The following PRPF8 variants were observed in gnomAD, a reference collection of about 807,000 sequenced individuals.
PRPF8 encodes the protein pre-mRNA-processing-splicing factor 8.
PRPF8 carries 64 observed loss-of-function variants against 285.9 expected under a neutral mutation model. That is an observed-to-expected ratio of 0.22 (90% CI 0.18 to 0.28). PRPF8 has a LOEUF of 0.28. Ranked by LOEUF, PRPF8 falls within the 10% of genes least tolerant of loss-of-function variation. PRPF8 has a pLI of 1.00. For synonymous variants in PRPF8, 1,325 were observed against 1,118.2 expected (o/e 1.18, Z -3.69); for missense variants, 1,426 against 3,026.7 (o/e 0.47, Z 12.41).
chr17:1,682,511 T>C (rs1219264371), intron 3 of PRPF8, among the ~76,000 whole-genome samples: 1 of 152,144 alleles, frequency 6.6e-6, no homozygotes, highest in Admixed American at 6.6e-5. Flanking sequence ...ACAATGCTGG[T>C]ATCAGCTCCT....
At chr17:1,660,599 T>C in intron 29 of PRPF8, 21 bp from the exon 30 acceptor site, 2 of 1,614,200 alleles carry the variant, frequency 1.2e-6, no homozygotes, top group Non-Finnish European at 1.7e-6. Flanking sequence ...AACGACAATG[T>C]GACATTAGAG....
rs2151127246 is a variant in PRPF8, at chr17:1,675,060, A to G, written c.3060+92T>C. 8 of 1,483,736 alleles carry G rather than the reference A, an allele frequency of 5.4e-6. No individual in the cohort carries two copies. The highest frequency in any genetic ancestry group is 2.4e-4 in the Middle Eastern group (1 of 4,212). 91.9% of individuals were successfully genotyped at this position (1,483,736 alleles called of 1,614,324 possible). The stretch of plus-strand genomic sequence containing the variant: ...AGTGCTGGGATTACAGGCATGAGCC[A>G]CCGCACCCAGCCTCCTCCTCAGCAA... On this transcript the variant is annotated intron_variant, in intron 20 of 42. Transcript: ENST00000304992. The surrounding 1 kb of genome is among the most constrained non-coding windows in gnomAD (Gnocchi z 6.0).
At chr17:1,656,288 T>G (rs973388245) in intron 36 of PRPF8, 104 bp downstream of exon 36, 2 of 1,414,044 alleles carry the variant, frequency 1.4e-6, no homozygotes, top group Non-Finnish European at 2.0e-6. Context: ...TCCCACCCAA[T>G]CTATAGGCTA....
chr17:1,653,421 A>G lies in PRPF8; in HGVS notation c.6369+121T>C, dbSNP rs931094775. ...ACCTCGTTGTTTTGGCTATCCTTGTATAATTACTCATCCATGAATCTTGAA... is the reference window on the plus strand; with the variant it reads ...ACCTCGTTGTTTTGGCTATCCTTGTGTAATTACTCATCCATGAATCTTGAA... On this transcript the variant is annotated intron_variant, in intron 39 of 42. Transcript: ENST00000304992. This position sits in a 1 kb window ranked among gnomAD's most constrained non-coding sequence, Gnocchi z 4.9. 30 of 1,394,772 alleles carry G rather than the reference A, an allele frequency of 2.2e-5. No homozygotes were observed. Among genetic ancestry groups the G allele is most frequent in the Non-Finnish European group, 3.0e-5 (30 of 992,692 alleles). The allele number at this position is 1,394,772 out of a possible 1,614,324, so 86.4% of individuals were successfully genotyped here.
At chr17:1,663,160 G>A (rs62089961) in intron 24 of PRPF8, among the ~76,000 whole-genome samples, 28,123 of 152,044 alleles carry the variant, frequency 0.18, 5,465 homozygotes, top group African/African-American at 0.5. Context: ...ATCACAGTAA[G>A]TGAGCTATGT....
At chr17:1,678,953 A>T in intron 11 of PRPF8, 64 bp downstream of exon 11, 2 of 1,613,740 alleles carry the variant, frequency 1.2e-6, no homozygotes, top group Non-Finnish European at 1.7e-6. Context: ...CTTCATCAGT[A>T]ACCAGAGGAA....
chr17:1,651,809 A>C lies in PRPF8; in HGVS notation c.6370-21T>G, dbSNP rs776788592. 5.0e-5 allele frequency: 80 copies of C among 1,613,422 alleles called. No individual in the cohort carries two copies. Among genetic ancestry groups the C allele is most frequent in the Non-Finnish European group, 6.5e-5 (77 of 1,179,580 alleles). On this transcript the variant is annotated intron_variant, in intron 39 of 42. Transcript: ENST00000304992. The surrounding 1 kb of genome is among the most constrained non-coding windows in gnomAD (Gnocchi z 5.1). The stretch of plus-strand genomic sequence containing the variant: ...GCAATCTGGAGACAAAGGGGTCAGG[A>C]ACCAAAACTCTTCTTAGTACCAGGT...
In PRPF8 at chr17:1,682,199, T is replaced by G. The variant is rs1387573603; in HGVS notation, c.364A>C (p.Ile122Leu). 1 of 1,614,112 alleles carries G rather than the reference T, an allele frequency of 6.2e-7. No individual in the cohort carries two copies. The highest frequency in any genetic ancestry group is 1.7e-5 in the Admixed American group (1 of 60,006). The part of the protein sequence containing the change: ...QIRDVPVLYH[I>L]TGAISFVNEI... ...TTGACGAAGGAAATGGCTCCAGTGA[T>G]GTGGTACAGCACAGGCACATCCCGA... is the stretch of plus-strand genomic sequence containing the variant. The change falls in exon 4 of 43, where the codon ATC becomes CTC. Residue 122 changes from isoleucine (I) to leucine (L), a missense_variant. By Grantham distance (5) the Ile-to-Leu change is conservative. This residue lies in a region of PRPF8 where 96 missense variants were observed against 188.3 expected (regional missense o/e 0.51). Coordinates refer to ENST00000304992, the MANE Select transcript of PRPF8 (RefSeq NM_006445.4).
rs528687915 is a variant in PRPF8, at chr17:1,661,552, C to A, written c.4202+59G>T. On this transcript the variant is annotated intron_variant, in intron 26 of 42. Coordinates refer to ENST00000304992, the MANE Select transcript of PRPF8 (RefSeq NM_006445.4). This position sits in a 1 kb window ranked among gnomAD's most constrained non-coding sequence, Gnocchi z 7.3. ...GCATGCTCTGACCCTGAACTCCACA[C>A]GGTTCAAAGGCCACCACTGCCCCTG... is the stretch of plus-strand genomic sequence containing the variant. The A allele has an allele frequency of 6.8e-6, 11 of 1,609,898 alleles. No individual in the cohort carries two copies. The highest frequency in any genetic ancestry group is 1.7e-5 in the Admixed American group (1 of 59,940).
In PRPF8 at chr17:1,675,403, G is replaced by C. The variant is rs1912557967; in HGVS notation, c.2873-64C>G. 2 of 1,571,756 alleles carry C rather than the reference G, an allele frequency of 1.3e-6. No individual in the cohort carries two copies. The highest frequency in any genetic ancestry group is 1.7e-6 in the Non-Finnish European group (2 of 1,143,652). ...TCCTCTTGCAAGACTAGCCCCACAGGAACTATCATTACCTTCCATAACCAA... is the reference window on the plus strand; with the variant it reads ...TCCTCTTGCAAGACTAGCCCCACAGCAACTATCATTACCTTCCATAACCAA... On this transcript the variant is annotated intron_variant, in intron 19 of 42. Coordinates refer to ENST00000304992, the MANE Select transcript of PRPF8 (RefSeq NM_006445.4). This position sits in a 1 kb window ranked among gnomAD's most constrained non-coding sequence, Gnocchi z 6.0.
rs553239637 is a variant in PRPF8, at chr17:1,684,666, G to A, written c.-11-84C>T. The A allele has an allele frequency of 4.9e-5, 63 of 1,274,948 alleles. No individual in the cohort carries two copies. In the African/African-American group the frequency reaches 5.6e-4, roughly 11 times the overall value. 79.0% of individuals were successfully genotyped at this position (1,274,948 alleles called of 1,614,324 possible). A position where few individuals can be genotyped will look rare whatever the true frequency, so the allele number is the denominator to read the frequency against. Reference sequence around the variant, plus strand: ...CAGCAGAAAGGCGTCCGGGGACCCCGGCCTGCAGTCCCGCCACACAGTGCA... The same window carrying A: ...CAGCAGAAAGGCGTCCGGGGACCCCAGCCTGCAGTCCCGCCACACAGTGCA... On this transcript the variant is annotated intron_variant, in intron 1 of 42. Coordinates refer to ENST00000304992, the MANE Select transcript of PRPF8 (RefSeq NM_006445.4).
intron 12 of PRPF8, 23 bp downstream of exon 12, chr17:1,678,739 G>C: frequency 6.2e-7 from 1 of 1,614,044 alleles, no homozygotes; most frequent in South Asian, 1.1e-5. Flanking sequence ...ACCCAGGCAG[G>C]GGTTGGGAAT....
Position 1,679,713 on chromosome 17 carries a change from T to C in PRPF8, c.1185A>G (p.Thr395=), listed in dbSNP as rs1912804464. 7 of 1,614,158 alleles carry C rather than the reference T, an allele frequency of 4.3e-6. No homozygotes were observed. Among genetic ancestry groups the C allele is most frequent in the Non-Finnish European group, 5.9e-6 (7 of 1,180,032 alleles). The part of the protein sequence containing the change: ...EPFLKDTPLY[T]DNTANGIALL... Reference sequence around the variant, plus strand: ...GGGCAATGCCATTGGCTGTATTGTCTGTATAGAGGGGTGTGTCCTTCAGGA... The same window carrying C: ...GGGCAATGCCATTGGCTGTATTGTCCGTATAGAGGGGTGTGTCCTTCAGGA... The change falls in exon 9 of 43, where the codon ACA becomes ACG. Residue 395 remains threonine, a synonymous_variant. Transcript: ENST00000304992. This position sits in a 1 kb window ranked among gnomAD's most constrained non-coding sequence, Gnocchi z 4.7.
At position 1,665,506 on chromosome 17, in the gene PRPF8, C is replaced by A. The variant is rs185657313; in HGVS notation, c.3775-3353G>T. Among the ~76,000 whole-genome samples, 344 of 150,310 alleles carry A rather than the reference C, an allele frequency of 2.3e-3. 1 individual carries two copies. Among genetic ancestry groups the A allele is most frequent in the Non-Finnish European group, 4.0e-3 (270 of 67,794 alleles). On this transcript the variant is annotated intron_variant, in intron 24 of 42. Transcript: ENST00000304992. Reference sequence around the variant, plus strand: ...TGAGCCAAGATTGCGCCACTGCACTCCAGCCTGGGCGACAGAGCAAGACTC... The same window carrying A: ...TGAGCCAAGATTGCGCCACTGCACTACAGCCTGGGCGACAGAGCAAGACTC...
intron 24 of PRPF8, chr17:1,672,878 T>C: frequency 1.6e-6 from 1 of 626,960 alleles, no homozygotes; most frequent in South Asian, 1.8e-5. Flanking sequence ...AGAAGGAGGC[T>C]ACACAATTTC....
chr17:1,675,771 T>G lies in PRPF8; in HGVS notation c.2721A>C (p.Pro907=). 6.2e-7 allele frequency: 1 copy of G among 1,614,170 alleles called. No homozygotes were observed. Among genetic ancestry groups the G allele is most frequent in the Non-Finnish European group, 8.5e-7 (1 of 1,180,034 alleles). Reference sequence around the variant, plus strand: ...TCTCCAGGGGCTCAACATCATATACTGGAACGAGGTGGCTATACAGATCCA... The same window carrying G: ...TCTCCAGGGGCTCAACATCATATACGGGAACGAGGTGGCTATACAGATCCA... ...EFMDLYSHLV[P]VYDVEPLEKI... The change falls in exon 19 of 43, where the codon CCA becomes CCC. Residue 907 remains proline, a synonymous_variant. Coordinates refer to ENST00000304992, the MANE Select transcript of PRPF8 (RefSeq NM_006445.4). This position sits in a 1 kb window ranked among gnomAD's most constrained non-coding sequence, Gnocchi z 6.0.
chr17:1,673,802 G>A lies in PRPF8; in HGVS notation c.3390C>T (p.Asn1130=), dbSNP rs1912456242. 1 of 1,614,084 alleles carries A rather than the reference G, an allele frequency of 6.2e-7. No individual in the cohort carries two copies. Among genetic ancestry groups the A allele is most frequent in the Non-Finnish European group, 8.5e-7 (1 of 1,180,030 alleles). The change falls in exon 22 of 43, where the codon AAC becomes AAT. Residue 1130 remains asparagine (N), a synonymous_variant. Coordinates refer to ENST00000304992, the MANE Select transcript of PRPF8 (RefSeq NM_006445.4). This position sits in a 1 kb window ranked among gnomAD's most constrained non-coding sequence, Gnocchi z 5.5. ...PNNENIVGYN[N]KKCWPRDARM... The stretch of plus-strand genomic sequence containing the variant: ...GGGCATCTCGGGGCCAGCACTTCTT[G>A]TTATTATAGCCAACGATGTTTTCAT...
chr17:1,672,339 G>A (rs1912370557), intron 24 of PRPF8, among the ~76,000 whole-genome samples: 1 of 152,158 alleles, frequency 6.6e-6, no homozygotes, highest in South Asian at 2.1e-4. Flanking sequence ...GAGTGCAATG[G>A]TACGATCTCG....
At chr17:1,654,158 T>C (rs543169788) in intron 37 of PRPF8, 142 bp from the exon 38 acceptor site, 2 of 1,285,754 alleles carry the variant, frequency 1.6e-6, no homozygotes, top group South Asian at 2.4e-5. Flanking sequence ...CTACAGGAAG[T>C]GTGAAACGGA....
Sources: gnomAD v4.1 joint callset for allele counts (sites outside exome capture counted in the v4.1 genomes callset) on GRCh38, gnomAD v4.1.1 for gene constraint, gnomAD v4.1.1 regional missense constraint, Gnocchi (gnomAD v3.1) non-coding constraint, MANE v1.5 for transcripts, NCBI Gene and HGNC (gene_info 2026-07-23, HGNC 2026-07-21) for gene names.